Variants in ADCY2 observed in about 807,000 individuals in gnomAD.
ADCY2 encodes adenylate cyclase type 2.
A neutral mutation model predicts 125.2 loss-of-function variants in ADCY2; 31 were observed. The ratio of observed to expected loss-of-function variants is 0.25; its 90% CI spans 0.19 to 0.33. The LOEUF (loss-of-function observed/expected upper bound fraction) is 0.33, where lower values mean the gene tolerates loss of function less well. Ranked by LOEUF, ADCY2 falls within the 10% of genes least tolerant of loss-of-function variation. The pLI is 1.00. For missense variants in ADCY2, 904 were observed against 1,418.2 expected (o/e 0.64, Z 5.82); for synonymous variants, 512 against 548.4 (o/e 0.93, Z 0.93).
chr5:7,402,603 A>G (rs758342371), intron 1 of ADCY2, among the ~76,000 whole-genome samples: 1 of 152,202 alleles, frequency 6.6e-6, no homozygotes, highest in Non-Finnish European at 1.5e-5. Context: ...CAATTGTGCC[A>G]AGACAAAGAG....
chr5:7,482,898 A>G (rs980688106), intron 2 of ADCY2, among the ~76,000 whole-genome samples: 1 of 151,750 alleles, frequency 6.6e-6, no homozygotes, highest in African/African-American at 2.4e-5. Context: ...TGGAGGTTCA[A>G]TGACATAAGC....
rs142107382 is a variant in ADCY2, at chr5:7,731,412, C to T, written c.1871+4151C>T. ...CTCGGATTGCAGGCGCCCAACATCA[C>T]GCCCAGCTGATTTTTGTATTTTTAG... is the stretch of plus-strand genomic sequence containing the variant. On this transcript the variant is annotated intron_variant, in intron 14 of 24. Transcript: ENST00000338316. 9.9e-3 allele frequency among the ~76,000 whole-genome samples: 1,506 copies of T among 151,526 alleles called. 14 individuals are homozygous for T. Among genetic ancestry groups the T allele is most frequent in the Middle Eastern group, 0.071 (21 of 294 alleles).
chr5:7,531,701 G>T lies in ADCY2; in HGVS notation c.570+10802G>T, dbSNP rs532693383. ...ACGTGTCCTTCTTCTCTTTGTCCCT[G>T]CACTTTCCTCTCTTCTGTCTCTCAT... is the stretch of plus-strand genomic sequence containing the variant. On this transcript the variant is annotated intron_variant, in intron 3 of 24. Transcript: ENST00000338316. Among the ~76,000 whole-genome samples the T allele has an allele frequency of 7.9e-5, 12 of 152,168 alleles. No individual in the cohort carries two copies. The East Asian group carries it at 2.3e-3, about 29-fold the overall frequency.
chr5:7,560,502 G>A (rs1735674549), intron 3 of ADCY2, among the ~76,000 whole-genome samples: 1 of 152,054 alleles, frequency 6.6e-6, no homozygotes, highest in African/African-American at 2.4e-5. Flanking sequence ...TATCTACCTG[G>A]AAATAACTGC....
chr5:7,512,464 A>T (rs1186953405), intron 2 of ADCY2, among the ~76,000 whole-genome samples: 1 of 151,994 alleles, frequency 6.6e-6, no homozygotes, highest in Non-Finnish European at 1.5e-5. Context: ...TTTTGTAGGG[A>T]TGGAAAGAAT....
At chr5:7,405,847 A>G (rs1174492824) in intron 1 of ADCY2, among the ~76,000 whole-genome samples, 1 of 152,124 alleles carries the variant, frequency 6.6e-6, no homozygotes, top group Non-Finnish European at 1.5e-5. Context: ...CACCCAATAT[A>G]TAGTTTATTC....
chr5:7,547,044 G>T (rs997378996), intron 3 of ADCY2, among the ~76,000 whole-genome samples: 5 of 152,144 alleles, frequency 3.3e-5, no homozygotes, highest in African/African-American at 1.2e-4. Flanking sequence ...TCTACTCTCA[G>T]AATATGCTAC....
intron 3 of ADCY2, among the ~76,000 whole-genome samples, chr5:7,566,574 G>A (rs1457220971): frequency 6.6e-6 from 1 of 152,032 alleles, no homozygotes; most frequent in African/African-American, 2.4e-5. Flanking sequence ...CCCAAACTCT[G>A]TTTCTTCTTA....
At chr5:7,419,554 C>T (rs746457259) in intron 2 of ADCY2, among the ~76,000 whole-genome samples, 22 of 152,184 alleles carry the variant, frequency 1.4e-4, no homozygotes, top group Non-Finnish European at 1.5e-4. Flanking sequence ...TCCAGCCTTC[C>T]GAAGGTGAGG....
intron 5 of ADCY2, among the ~76,000 whole-genome samples, chr5:7,693,772 C>T: frequency 6.6e-6 from 1 of 152,196 alleles, no homozygotes; most frequent in East Asian, 1.9e-4. Context: ...TCTGGACCAG[C>T]TTAAGCTATC....
chr5:7,615,784 T>G (rs1330089924), intron 3 of ADCY2, among the ~76,000 whole-genome samples: 1 of 152,108 alleles, frequency 6.6e-6, no homozygotes, highest in African/African-American at 2.4e-5. Flanking sequence ...ATCATGTCTT[T>G]GCAAAGCTGG....
chr5:7,496,246 A>G (rs1184007173), intron 2 of ADCY2, among the ~76,000 whole-genome samples: 1 of 152,236 alleles, frequency 6.6e-6, no homozygotes, highest in Non-Finnish European at 1.5e-5. Flanking sequence ...GAAATTTCCT[A>G]TACACTTTAT....
At chr5:7,536,450 C>T (rs985258388) in intron 3 of ADCY2, among the ~76,000 whole-genome samples, 2 of 152,194 alleles carry the variant, frequency 1.3e-5, no homozygotes, top group African/African-American at 2.4e-5. Context: ...TCATCCCCCC[C>T]ACATGCCCCA....
At chr5:7,788,341 G>A (rs1016838193) in intron 19 of ADCY2, among the ~76,000 whole-genome samples, 22 of 152,014 alleles carry the variant, frequency 1.4e-4, no homozygotes, top group African/African-American at 3.9e-4. Context: ...AACCAGGCCC[G>A]GCTAATTTTT....
intron 18 of ADCY2, among the ~76,000 whole-genome samples, chr5:7,775,175 TTGTGTGTGTGTGTG>T (rs200142910): frequency 6.8e-6 from 1 of 146,154 alleles, no homozygotes; most frequent in African/African-American, 2.5e-5. Context: ...CCCAGCTACT[TTGTGTGTGTGTGTG>T]TGTGTGTGTG....
chr5:7,820,799 A>C (rs1745273118), intron 24 of ADCY2, 110 bp downstream of exon 24: 2 of 1,317,360 alleles, frequency 1.5e-6, no homozygotes, highest in African/African-American at 3.0e-5. Context: ...GAAAAAAGTA[A>C]ACCTTGAAAT....
intron 14 of ADCY2, among the ~76,000 whole-genome samples, chr5:7,740,100 T>C (rs1333278305): frequency 6.6e-6 from 1 of 151,936 alleles, no homozygotes; most frequent in East Asian, 1.9e-4. Context: ...AGGCCAAATC[T>C]ACACCACGTG....
At chr5:7,495,726 G>A (rs1162133580) in intron 2 of ADCY2, among the ~76,000 whole-genome samples, 10 of 152,046 alleles carry the variant, frequency 6.6e-5, no homozygotes, top group African/African-American at 1.9e-4. Flanking sequence ...CCTCTGGAAC[G>A]TTATGCGAGT....
At chr5:7,796,448 T>G (rs1461782771) in intron 20 of ADCY2, 1 of 152,208 alleles carries the variant, frequency 6.6e-6, no homozygotes, top group Admixed American at 6.5e-5. Flanking sequence ...TCCTACCCAC[T>G]GCATCAATGC....
Sources: gnomAD v4.1 joint callset for allele counts (sites outside exome capture counted in the v4.1 genomes callset) on GRCh38, gnomAD v4.1.1 for gene constraint, MANE v1.5 for transcripts, NCBI Gene and HGNC (gene_info 2026-07-23, HGNC 2026-07-21) for gene names.